SLC9A9: variants seen among roughly 807,000 people sequenced by gnomAD.
SLC9A9 encodes the protein solute carrier family 9 member A9.
Under a neutral mutation model 77.8 loss-of-function variants are expected in SLC9A9, and 62 were observed. The ratio of observed to expected loss-of-function variants is 0.80; its 90% CI spans 0.65 to 0.98. The LOEUF is 0.98. Ranked by LOEUF, SLC9A9 falls within the 50% of genes least tolerant of loss-of-function variation. The pLI is 0.00. For synonymous variants in SLC9A9, 320 were observed against 283.5 expected (o/e 1.13, Z -1.29); for missense variants, 775 against 774.9 (o/e 1.00, Z 0.00).
intron 2 of SLC9A9, among the ~76,000 whole-genome samples, chr3:143,824,472 A>G (rs1158656264): frequency 6.6e-6 from 1 of 152,154 alleles, no homozygotes; most frequent in Non-Finnish European, 1.5e-5. Flanking sequence ...TCTGCAGGAC[A>G]TATCTAAAGA....
At chr3:143,722,240 G>C (rs910932128) in intron 4 of SLC9A9, among the ~76,000 whole-genome samples, 1 of 152,102 alleles carries the variant, frequency 6.6e-6, no homozygotes. Flanking sequence ...TCGGGAGGCC[G>C]AGGCGGGCGG....
At chr3:143,589,271 A>C (rs1164920296) in intron 6 of SLC9A9, among the ~76,000 whole-genome samples, 2 of 152,208 alleles carry the variant, frequency 1.3e-5, no homozygotes, top group Non-Finnish European at 2.9e-5. Flanking sequence ...TTTCCATTAT[A>C]GATAAGGAAA....
intron 4 of SLC9A9, among the ~76,000 whole-genome samples, chr3:143,695,722 G>C (rs1371995717): frequency 6.6e-6 from 1 of 152,118 alleles, no homozygotes; most frequent in East Asian, 1.9e-4. Flanking sequence ...GGGTCAAATG[G>C]TATTTCTGGT....
intron 14 of SLC9A9, among the ~76,000 whole-genome samples, chr3:143,280,542 ATTTTTT>A (rs58879877): frequency 5.1e-5 from 6 of 118,172 alleles, no homozygotes; most frequent in Non-Finnish European, 7.0e-5. Flanking sequence ...CTAGAACTAC[ATTTTTT>A]TTTTTTTTTT....
At chr3:143,368,611 CAA>C (rs2032970034) in intron 13 of SLC9A9, among the ~76,000 whole-genome samples, 1 of 152,104 alleles carries the variant, frequency 6.6e-6, no homozygotes, top group Non-Finnish European at 1.5e-5. Flanking sequence ...CAACTGATAA[CAA>C]AGACAAATAA....
intron 4 of SLC9A9, among the ~76,000 whole-genome samples, chr3:143,750,596 T>C (rs1234762522): frequency 1.3e-5 from 2 of 152,154 alleles, no homozygotes; most frequent in Non-Finnish European, 2.9e-5. Flanking sequence ...CTGCCTGCTG[T>C]CCTGTAATGG....
chr3:143,268,803 G>A, intron 15 of SLC9A9, 72 bp downstream of exon 15: 1 of 1,197,490 alleles, frequency 8.4e-7, no homozygotes, highest in Non-Finnish European at 1.2e-6. Context: ...GAGGTTCCTG[G>A]GCTCATCGAT....
intron 5 of SLC9A9, among the ~76,000 whole-genome samples, chr3:143,658,253 A>T (rs1281584831): frequency 6.6e-6 from 1 of 152,332 alleles, no homozygotes; most frequent in East Asian, 1.9e-4. Flanking sequence ...TGATACCAAA[A>T]ATCTTGAGAA....
At position 143,407,611 on chromosome 3, in the gene SLC9A9, A is replaced by G. The variant is rs537990396; in HGVS notation, c.1470-25497T>C. 3.9e-5 allele frequency among the ~76,000 whole-genome samples: 6 copies of G among 152,248 alleles called. No homozygotes were observed. In the South Asian group the frequency reaches 1.2e-3, roughly 32 times the overall value. ...AGGGCCTATGGGTTCTCTTAATTTCAGAGAATTGCAAGTTGAGGCTGACAA... is the reference window on the plus strand; with the variant it reads ...AGGGCCTATGGGTTCTCTTAATTTCGGAGAATTGCAAGTTGAGGCTGACAA... On this transcript the variant is annotated intron_variant, in intron 12 of 15. Coordinates refer to ENST00000316549, the MANE Select transcript of SLC9A9 (RefSeq NM_173653.4).
At chr3:143,585,999 G>A (rs920056551) in intron 6 of SLC9A9, among the ~76,000 whole-genome samples, 1 of 152,230 alleles carries the variant, frequency 6.6e-6, no homozygotes, top group Non-Finnish European at 1.5e-5. Context: ...GGTGATTCCA[G>A]TAGACTCCCC....
At chr3:143,732,464 A>G (rs1934831697) in intron 4 of SLC9A9, among the ~76,000 whole-genome samples, 1 of 152,186 alleles carries the variant, frequency 6.6e-6, no homozygotes, top group Non-Finnish European at 1.5e-5. Context: ...GTTTCTCACA[A>G]ATGAAAATGT....
chr3:143,472,887 G>A (rs1336970653), intron 11 of SLC9A9, among the ~76,000 whole-genome samples: 1 of 152,164 alleles, frequency 6.6e-6, no homozygotes. Context: ...TATTTTGAGA[G>A]TCAAGAGTTC....
chr3:143,281,841 G>A (rs375328798), intron 14 of SLC9A9, among the ~76,000 whole-genome samples: 6 of 152,180 alleles, frequency 3.9e-5, no homozygotes, highest in African/African-American at 7.2e-5. Context: ...TCACGGTTAC[G>A]TCCTTGCTAG....
chr3:143,431,941 C>T lies in SLC9A9; in HGVS notation c.1469+35096G>A, dbSNP rs900833607. The stretch of plus-strand genomic sequence containing the variant: ...CCACTGCTAAAATGCTCTTCCTCCT[C>T]CCAGTCTTTACTCAAGAGATAACTT... On this transcript the variant is annotated intron_variant, in intron 12 of 15. Coordinates refer to ENST00000316549, the MANE Select transcript of SLC9A9 (RefSeq NM_173653.4). Among the ~76,000 whole-genome samples, 6 of 152,280 alleles carry T rather than the reference C, an allele frequency of 3.9e-5. No homozygotes were observed. In the East Asian group the frequency reaches 1.2e-3, roughly 29 times the overall value.
chr3:143,366,909 G>GCAGGTATCTCATACCC (rs2032924080), intron 13 of SLC9A9, among the ~76,000 whole-genome samples: 1 of 152,178 alleles, frequency 6.6e-6, no homozygotes, highest in Non-Finnish European at 1.5e-5. Flanking sequence ...CTGAGATACA[G>GCAGGTATCTCATACCC]CAGGTATACA....
chr3:143,500,058 A>T (rs2035900869), intron 9 of SLC9A9, among the ~76,000 whole-genome samples: 1 of 152,262 alleles, frequency 6.6e-6, no homozygotes, highest in South Asian at 2.1e-4. Context: ...CTCAGGTATC[A>T]CAAAACAGAT....
intron 4 of SLC9A9, among the ~76,000 whole-genome samples, chr3:143,755,473 C>G (rs1228672433): frequency 2.0e-5 from 3 of 152,128 alleles, no homozygotes; most frequent in Non-Finnish European, 4.4e-5. Flanking sequence ...AATCTACAAG[C>G]AACCTTGATC....
At position 143,380,303 on chromosome 3, in the gene SLC9A9, G is replaced by C. The variant is rs890696145; in HGVS notation, c.1524+1757C>G. On this transcript the variant is annotated intron_variant, in intron 13 of 15. Transcript: ENST00000316549. The stretch of plus-strand genomic sequence containing the variant: ...AATAAAATACATTTAAATTGGAAAG[G>C]ATTTAGGCTAGTAGGAAATTTTTAC... 2.0e-5 allele frequency among the ~76,000 whole-genome samples: 3 copies of C among 152,296 alleles called. No individual in the cohort carries two copies. The South Asian group carries it at 6.2e-4, about 32-fold the overall frequency.
intron 13 of SLC9A9, among the ~76,000 whole-genome samples, chr3:143,379,015 C>T (rs2033241740): frequency 2.0e-5 from 3 of 150,922 alleles, no homozygotes. Flanking sequence ...AATTTAAAAA[C>T]ATATTAATAT....
Sources: allele counts gnomAD v4.1 joint callset (sites outside exome capture counted in the v4.1 genomes callset), GRCh38; gene constraint gnomAD v4.1.1; transcripts MANE v1.5; gene names NCBI Gene and HGNC (gene_info 2026-07-23, HGNC 2026-07-21).